PIBF1: variants seen among roughly 807,000 people sequenced by gnomAD.
The protein encoded by PIBF1 is progesterone-induced-blocking factor 1.
PIBF1 carries 90 observed loss-of-function variants against 112.5 expected under a neutral mutation model. That is an observed-to-expected ratio of 0.80 (90% CI 0.67 to 0.95). The LOEUF is 0.95. Among genes scored for constraint, PIBF1 ranks in the 40% least tolerant of loss-of-function variants. The pLI, the probability that PIBF1 is intolerant of heterozygous loss-of-function variation, is 0.00. For synonymous variants in PIBF1, 301 were observed against 288.6 expected (o/e 1.04, Z -0.44); for missense variants, 915 against 852.3 (o/e 1.07, Z -0.92).
chr13:73,005,779 A>G (rs540509960), intron 17 of PIBF1, among the ~76,000 whole-genome samples: 4 of 152,268 alleles, frequency 2.6e-5, no homozygotes, highest in East Asian at 1.9e-4. Context: ...TAATATTTCT[A>G]TGGCACAACA....
intron 2 of PIBF1, among the ~76,000 whole-genome samples, chr13:72,787,563 G>C (rs527381625): frequency 1.3e-5 from 2 of 152,146 alleles, no homozygotes; most frequent in Non-Finnish European, 2.9e-5. Context: ...GTAACACCAC[G>C]CGGTATTTGA....
intron 17 of PIBF1, among the ~76,000 whole-genome samples, chr13:73,014,246 A>AG (rs1393368809): frequency 6.6e-6 from 1 of 152,094 alleles, no homozygotes; most frequent in African/African-American, 2.4e-5. Context: ...TGTGAGCCAC[A>AG]GCACCCAGCT....
Position 72,984,671 on chromosome 13 carries a change from C to G in PIBF1, c.2049+10996C>G, listed in dbSNP as rs74092081. Among the ~76,000 whole-genome samples the G allele has an allele frequency of 5.4e-3, 821 of 152,222 alleles. 9 individuals are homozygous for G. Among genetic ancestry groups the G allele is most frequent in the African/African-American group, 0.019 (771 of 41,542 alleles). On this transcript the variant is annotated intron_variant, in intron 16 of 17. Transcript: ENST00000326291. ...TTGAATTTCCTTTAGATTGTACTCTCTGGACCACTGTGTTTATATAGGCTT... is the reference window on the plus strand; with the variant it reads ...TTGAATTTCCTTTAGATTGTACTCTGTGGACCACTGTGTTTATATAGGCTT...
chr13:72,807,946 T>G (rs1302503831), intron 5 of PIBF1, among the ~76,000 whole-genome samples: 2 of 152,230 alleles, frequency 1.3e-5, no homozygotes, highest in Non-Finnish European at 2.9e-5. Flanking sequence ...CATCTATCCA[T>G]CTGCCAGTCA....
chr13:72,924,492 T>G (rs1346187861), intron 13 of PIBF1, among the ~76,000 whole-genome samples: 1 of 151,306 alleles, frequency 6.6e-6, no homozygotes, highest in East Asian at 1.9e-4. Flanking sequence ...GAGGCTGAGG[T>G]GGAAGGATCA....
intron 15 of PIBF1, among the ~76,000 whole-genome samples, chr13:72,968,389 C>T (rs922403816): frequency 1.3e-5 from 2 of 151,724 alleles, no homozygotes; most frequent in East Asian, 4.0e-4. Flanking sequence ...CAACCTCCAC[C>T]TCCCAGGTTC....
chr13:72,852,797 T>C (rs2038227196), intron 9 of PIBF1, among the ~76,000 whole-genome samples: 1 of 152,168 alleles, frequency 6.6e-6, no homozygotes. Context: ...TAATAAAAAA[T>C]AATAATTTCC....
At chr13:72,974,439 A>T (rs770104922) in intron 16 of PIBF1, among the ~76,000 whole-genome samples, 2 of 152,208 alleles carry the variant, frequency 1.3e-5, no homozygotes, top group African/African-American at 4.8e-5. Flanking sequence ...ACAAAATGCT[A>T]TAAAAGTGAA....
intron 5 of PIBF1, 49 bp from the exon 6 acceptor site, chr13:72,821,800 T>C: frequency 6.8e-7 from 1 of 1,462,738 alleles, no homozygotes; most frequent in Non-Finnish European, 9.3e-7. Flanking sequence ...TTTGGGCAAC[T>C]ATGTTAAGTG....
intron 13 of PIBF1, among the ~76,000 whole-genome samples, chr13:72,930,405 T>G (rs151029610): frequency 1.4e-4 from 22 of 152,268 alleles, no homozygotes; most frequent in African/African-American, 4.3e-4. Flanking sequence ...TGCAGAGAGG[T>G]TCTTTGGAGC....
chr13:72,864,163 G>A (rs1175337745), intron 10 of PIBF1, among the ~76,000 whole-genome samples: 1 of 152,128 alleles, frequency 6.6e-6, no homozygotes, highest in South Asian at 2.1e-4. Context: ...TACAATTACG[G>A]ATATATATTT....
chr13:72,811,414 C>T (rs76021126), intron 5 of PIBF1, among the ~76,000 whole-genome samples: 16,763 of 151,856 alleles, frequency 0.11, 1,270 homozygotes, highest in Non-Finnish European at 0.17. Flanking sequence ...ACCTGAACAT[C>T]GGGAAACCCC....
At chr13:72,801,501 C>A (rs1267135128) in intron 5 of PIBF1, among the ~76,000 whole-genome samples, 1 of 152,088 alleles carries the variant, frequency 6.6e-6, no homozygotes, top group African/African-American at 2.4e-5. Context: ...CATACACAGA[C>A]CTTACATGGT....
At chr13:72,784,863 G>T (rs1225418813) in intron 2 of PIBF1, among the ~76,000 whole-genome samples, 1 of 152,000 alleles carries the variant, frequency 6.6e-6, no homozygotes, top group Non-Finnish European at 1.5e-5. Flanking sequence ...AACATATGAG[G>T]TATTTTGTTG....
At chr13:72,894,003 T>C in intron 11 of PIBF1, 54 bp downstream of exon 11, 3 of 868,678 alleles carry the variant, frequency 3.5e-6, no homozygotes, top group South Asian at 1.9e-5. Context: ...ACTCCCTAAG[T>C]ACAAGATTTA....
chr13:72,839,628 T>C (rs929815431), intron 9 of PIBF1, among the ~76,000 whole-genome samples: 10 of 152,192 alleles, frequency 6.6e-5, no homozygotes, highest in African/African-American at 2.4e-4. Context: ...CTTTAAAATA[T>C]ATGGGAACTT....
intron 10 of PIBF1, among the ~76,000 whole-genome samples, chr13:72,880,015 G>GC (rs1371910878): frequency 2.6e-5 from 4 of 152,152 alleles, no homozygotes; most frequent in Non-Finnish European, 5.9e-5. Flanking sequence ...AAACATGTCT[G>GC]CATGCCAGCT....
chr13:72,945,857 C>T (rs528212005), intron 14 of PIBF1, among the ~76,000 whole-genome samples: 29 of 151,904 alleles, frequency 1.9e-4, no homozygotes, highest in Middle Eastern at 3.2e-3. Flanking sequence ...AATGATTATA[C>T]GAATATATAT....
At chr13:72,885,499 T>C (rs9543158) in intron 10 of PIBF1, among the ~76,000 whole-genome samples, 15,605 of 152,142 alleles carry the variant, frequency 0.1, 1,090 homozygotes, top group Non-Finnish European at 0.15. Flanking sequence ...GCATTAAGAG[T>C]TAGTAATATT....
Sources: gnomAD v4.1 joint callset for allele counts (sites outside exome capture counted in the v4.1 genomes callset) on GRCh38, gnomAD v4.1.1 for gene constraint, MANE v1.5 for transcripts, NCBI Gene and HGNC (gene_info 2026-07-23, HGNC 2026-07-21) for gene names.